The following TENM4 variants were observed in gnomAD, a reference collection of about 807,000 sequenced individuals.
TENM4 encodes the protein teneurin transmembrane protein 4.
A neutral mutation model predicts 243.3 loss-of-function variants in TENM4; 82 were observed. The observed-to-expected ratio is 0.34, with a 90% CI of 0.28 to 0.40. TENM4 has a LOEUF of 0.40. Ranked by LOEUF, TENM4 falls within the 10% of genes least tolerant of loss-of-function variation. TENM4 has a pLI of 1.00. For missense variants in TENM4, 3,138 were observed against 3,673.3 expected (o/e 0.85, Z 3.77); for synonymous variants, 1,412 against 1,456.3 (o/e 0.97, Z 0.69).
intron 2 of TENM4, among the ~76,000 whole-genome samples, chr11:79,292,021 T>C (rs1478378428): frequency 6.6e-6 from 1 of 152,122 alleles, no homozygotes; most frequent in East Asian, 1.9e-4. Flanking sequence ...CCCCTCTCTT[T>C]CCCAGCTCAT....
At position 78,720,362 on chromosome 11, in the gene TENM4, T is replaced by C. The variant is rs1859617680; in HGVS notation, c.3821+8A>G. ...GTGAGGCAGGAAATTCTCCACTGGTTGGCTTACCTATGTCTGAAATCTTTA... is the reference window on the plus strand; with the variant it reads ...GTGAGGCAGGAAATTCTCCACTGGTCGGCTTACCTATGTCTGAAATCTTTA... On this transcript the variant is annotated splice_region_variant and intron_variant, in intron 25 of 33. Coordinates refer to ENST00000278550, the MANE Select transcript of TENM4 (RefSeq NM_001098816.3). The C allele has an allele frequency of 6.2e-7, 1 of 1,613,836 alleles. No homozygotes were observed. The highest frequency in any genetic ancestry group is 8.5e-7 in the Non-Finnish European group (1 of 1,179,874).
At chr11:79,416,807 T>C (rs1858824071) in intron 1 of TENM4, among the ~76,000 whole-genome samples, 1 of 152,070 alleles carries the variant, frequency 6.6e-6, no homozygotes, top group Non-Finnish European at 1.5e-5. Context: ...CTACTAACAC[T>C]GCTTTTGCGC....
intron 32 of TENM4, among the ~76,000 whole-genome samples, chr11:78,667,245 GA>G (rs950292245): frequency 6.6e-6 from 1 of 152,104 alleles, no homozygotes; most frequent in Non-Finnish European, 1.5e-5. Flanking sequence ...CTATGCTTGG[GA>G]TGCTATTCTC....
intron 6 of TENM4, among the ~76,000 whole-genome samples, chr11:78,943,438 C>A (rs900482393): frequency 2.6e-5 from 4 of 152,184 alleles, no homozygotes; most frequent in African/African-American, 9.7e-5. Context: ...AAATGTCTGA[C>A]CCATTGTGCA....
At chr11:79,164,372 A>C (rs1342420732) in intron 3 of TENM4, among the ~76,000 whole-genome samples, 3 of 122,872 alleles carry the variant, frequency 2.4e-5, no homozygotes, top group Non-Finnish European at 3.3e-5. Flanking sequence ...ACTATATATA[A>C]TATATAGTGT....
At chr11:79,305,644 C>CA (rs1036762917) in intron 1 of TENM4, among the ~76,000 whole-genome samples, 5 of 152,214 alleles carry the variant, frequency 3.3e-5, no homozygotes, top group African/African-American at 1.2e-4. Context: ...ACAGGGACTA[C>CA]AAAGGGCTCA....
intron 1 of TENM4, among the ~76,000 whole-genome samples, chr11:79,432,349 G>A (rs1590962830): frequency 3.3e-5 from 5 of 152,284 alleles, no homozygotes; most frequent in Admixed American, 3.3e-4. Context: ...TTTGCAAAGA[G>A]CTGCATTGCT....
chr11:79,110,967 T>G (rs558777306), intron 4 of TENM4, among the ~76,000 whole-genome samples: 1 of 152,250 alleles, frequency 6.6e-6, no homozygotes, highest in Non-Finnish European at 1.5e-5. Flanking sequence ...CTCCTTGATA[T>G]GGTTTGGCTG....
chr11:78,969,269 G>A (rs916670501), intron 6 of TENM4, among the ~76,000 whole-genome samples: 2 of 152,218 alleles, frequency 1.3e-5, no homozygotes, highest in Non-Finnish European at 2.9e-5. Flanking sequence ...AAAAAAAGGG[G>A]CAATGTGTTA....
rs569751136 is a variant in TENM4, at chr11:79,383,743, T to A, written c.-321+56766A>T. Among the ~76,000 whole-genome samples, 54 of 152,254 alleles carry A rather than the reference T, an allele frequency of 3.5e-4. 1 individual carries two copies. In the South Asian group the frequency reaches 0.011, roughly 32 times the overall value. On this transcript the variant is annotated intron_variant, in intron 1 of 33. Coordinates refer to ENST00000278550, the MANE Select transcript of TENM4 (RefSeq NM_001098816.3). ...ATGTGTTTCTATTTTTTTACTGTAG[T>A]CTAAAACAAAACACCACATTACTGA...
At chr11:79,257,462 GAGAGGACACCAGCC>G (rs1199571516) in intron 2 of TENM4, among the ~76,000 whole-genome samples, 1 of 152,166 alleles carries the variant, frequency 6.6e-6, no homozygotes, top group African/African-American at 2.4e-5. Flanking sequence ...CAGCTAGAGG[GAGAGGACACCAGCC>G]AGAGGTGCTC....
chr11:78,812,322 G>A lies in TENM4; in HGVS notation c.1784-6C>T. ...ACAGAGCACGGGGCAGGAGGCTGGG[G>A]AGACAGCACCGGAGTCTGGCATGAA... On this transcript the variant is annotated splice_polypyrimidine_tract_variant and splice_region_variant and intron_variant, in intron 13 of 33. Transcript: ENST00000278550. The A allele has an allele frequency of 1.3e-6, 2 of 1,550,138 alleles. No homozygotes were observed. Among genetic ancestry groups the A allele is most frequent in the Non-Finnish European group, 1.7e-6 (2 of 1,145,694 alleles).
chr11:79,277,160 G>A (rs1323212963), intron 2 of TENM4, among the ~76,000 whole-genome samples: 1 of 152,206 alleles, frequency 6.6e-6, no homozygotes, highest in Non-Finnish European at 1.5e-5. Context: ...ACCAGGGGCT[G>A]TGCCAGGTGA....
chr11:79,344,381 G>T (rs2135466001), intron 1 of TENM4, among the ~76,000 whole-genome samples: 1 of 152,264 alleles, frequency 6.6e-6, no homozygotes, highest in African/African-American at 2.4e-5. Flanking sequence ...TCTGACCTGG[G>T]CATGCACTCG....
intron 8 of TENM4, 69 bp downstream of exon 8, chr11:78,891,169 G>C: frequency 7.0e-7 from 1 of 1,422,176 alleles, no homozygotes; most frequent in Non-Finnish European, 9.7e-7. Flanking sequence ...AAAGGTCTCA[G>C]GGTCTGCATG....
intron 1 of TENM4, among the ~76,000 whole-genome samples, chr11:79,405,174 CATTATT>C (rs148027362): frequency 0.065 from 9,946 of 152,030 alleles, 403 homozygotes; most frequent in Middle Eastern, 0.11. Context: ...ACAACAATAA[CATTATT>C]ATTATTATTA....
intron 6 of TENM4, among the ~76,000 whole-genome samples, chr11:78,944,935 C>T (rs748200243): frequency 1.1e-4 from 16 of 152,130 alleles, no homozygotes; most frequent in Non-Finnish European, 1.9e-4. Flanking sequence ...GCTTCTCCCG[C>T]CCTTCTACTA....
intron 1 of TENM4, among the ~76,000 whole-genome samples, chr11:79,398,907 A>C (rs1192678446): frequency 6.6e-6 from 1 of 151,860 alleles, no homozygotes; most frequent in Non-Finnish European, 1.5e-5. Flanking sequence ...TGAGGCTTGA[A>C]GAATAGGTAG....
intron 12 of TENM4, among the ~76,000 whole-genome samples, chr11:78,848,342 A>C (rs1478523093): frequency 1.3e-5 from 2 of 152,150 alleles, no homozygotes; most frequent in Non-Finnish European, 2.9e-5. Flanking sequence ...CGTGGCATTT[A>C]AGGCTCTCCT....
Sources: gnomAD v4.1 joint callset for allele counts (sites outside exome capture counted in the v4.1 genomes callset) on GRCh38, gnomAD v4.1.1 for gene constraint, MANE v1.5 for transcripts, NCBI Gene and HGNC (gene_info 2026-07-23, HGNC 2026-07-21) for gene names.